EPHA7: variants seen among roughly 807,000 people sequenced by gnomAD.
EPHA7 encodes ephrin type-A receptor 7.
A neutral mutation model predicts 112.6 loss-of-function variants in EPHA7; 25 were observed. The ratio of observed to expected loss-of-function variants is 0.22; its 90% CI spans 0.16 to 0.31. The LOEUF is 0.31. EPHA7 is among the 10% of genes least tolerant of loss of function. The probability of loss-of-function intolerance (pLI) is 1.00; values close to 1 mark genes in which losing one functional copy is unlikely to be tolerated. For synonymous variants in EPHA7, 437 were observed against 406.5 expected, an observed-to-expected ratio of 1.07 and a Z score of -0.90; for missense variants, 962 against 1,212.6, an observed-to-expected ratio of 0.79 and a Z score of 3.07.
intron 15 of EPHA7, 98 bp downstream of exon 15, chr6:93,246,694 C>A: frequency 9.3e-7 from 1 of 1,076,666 alleles, no homozygotes; most frequent in East Asian, 2.4e-5. Flanking sequence ...TACGTCAACA[C>A]AAAAGTCAAT....
At chr6:93,290,315 T>C (rs1455168741) in intron 5 of EPHA7, among the ~76,000 whole-genome samples, 1 of 152,138 alleles carries the variant, frequency 6.6e-6, no homozygotes, top group Non-Finnish European at 1.5e-5. Context: ...AAATGACTTG[T>C]ACCTTCTTGG....
intron 5 of EPHA7, among the ~76,000 whole-genome samples, chr6:93,349,207 C>A (rs1775564990): frequency 6.6e-6 from 1 of 151,712 alleles, no homozygotes; most frequent in South Asian, 2.1e-4. Flanking sequence ...GTTTTAATAA[C>A]TTACAGCCAC....
intron 5 of EPHA7, among the ~76,000 whole-genome samples, chr6:93,352,284 A>C (rs941977582): frequency 6.6e-6 from 1 of 152,180 alleles, no homozygotes; most frequent in African/African-American, 2.4e-5. Flanking sequence ...GCATTTTTTG[A>C]GTGATCTGTT....
intron 5 of EPHA7, among the ~76,000 whole-genome samples, chr6:93,316,545 T>C (rs1773823377): frequency 6.6e-6 from 1 of 152,132 alleles, no homozygotes; most frequent in Non-Finnish European, 1.5e-5. Flanking sequence ...TGTGAAAACA[T>C]CTATACTTTT....
chr6:93,243,304 T>G lies in EPHA7; in HGVS notation c.*122A>C. 1 of 623,310 alleles carries G rather than the reference T, an allele frequency of 1.6e-6. No homozygotes were observed. Among genetic ancestry groups the G allele is most frequent in the South Asian group, 2.5e-5 (1 of 39,656 alleles). The allele number at this position is 623,310 out of a possible 1,614,324, so 38.6% of individuals were successfully genotyped here. A position where few individuals can be genotyped will look rare whatever the true frequency, so the allele number is the denominator to read the frequency against. On this transcript the variant is annotated 3_prime_UTR_variant, in exon 17 of 17. Transcript: ENST00000369303. ...AAGTCTATAGGTGCTTCTTAAATCT[T>G]CTCTTCACTGTTGGAAGGACCCAGG...
chr6:93,279,137 T>C (rs1245627900), intron 5 of EPHA7, among the ~76,000 whole-genome samples: 3 of 152,112 alleles, frequency 2.0e-5, no homozygotes, highest in Non-Finnish European at 2.9e-5. Context: ...CCTCCCAACC[T>C]GTCCCCATGT....
At chr6:93,281,399 T>C (rs942668237) in intron 5 of EPHA7, among the ~76,000 whole-genome samples, 4 of 152,234 alleles carry the variant, frequency 2.6e-5, no homozygotes, top group African/African-American at 9.6e-5. Flanking sequence ...ACTGGCTCCA[T>C]CTTTAATTTT....
At chr6:93,370,099 T>C (rs1323528709) in intron 3 of EPHA7, among the ~76,000 whole-genome samples, 1 of 152,082 alleles carries the variant, frequency 6.6e-6, no homozygotes, top group Non-Finnish European at 1.5e-5. Context: ...CTTAATACAG[T>C]AACAACAAAA....
At chr6:93,254,090 C>T (rs1373472958) in intron 14 of EPHA7, among the ~76,000 whole-genome samples, 1 of 151,936 alleles carries the variant, frequency 6.6e-6, no homozygotes, top group Non-Finnish European at 1.5e-5. Context: ...AATAAATATA[C>T]TTTTAAAAGG....
At chr6:93,350,395 T>C (rs1266115531) in intron 5 of EPHA7, among the ~76,000 whole-genome samples, 2 of 152,040 alleles carry the variant, frequency 1.3e-5, no homozygotes, top group East Asian at 3.9e-4. Flanking sequence ...AGAAGTGTAT[T>C]TGATTGCAAT....
intron 5 of EPHA7, among the ~76,000 whole-genome samples, chr6:93,297,117 A>G (rs1041722828): frequency 6.6e-6 from 1 of 151,982 alleles, no homozygotes. Context: ...ATGCTTTTTC[A>G]TTGGTCACCA....
rs78842577 is a variant in EPHA7 at position 93,243,135 on chromosome 6, A to G, written c.*291T>C. 1.9e-4 allele frequency: 54 copies of G among 280,278 alleles called. No homozygotes were observed. In the East Asian group the frequency reaches 2.2e-3, roughly 11 times the overall value. The allele number at this position is 280,278 out of a possible 1,614,324, so 17.4% of individuals were successfully genotyped here. On this transcript the variant is annotated 3_prime_UTR_variant, in exon 17 of 17. Coordinates refer to ENST00000369303, the MANE Select transcript of EPHA7 (RefSeq NM_004440.4). ...TCTTTATGTACATTTTAAAAAGTCTATAAGACAAAAAGGAGGTTAGAGAGC... is the reference window on the plus strand; with the variant it reads ...TCTTTATGTACATTTTAAAAAGTCTGTAAGACAAAAAGGAGGTTAGAGAGC...
intron 3 of EPHA7, among the ~76,000 whole-genome samples, chr6:93,370,626 G>C (rs1776741246): frequency 6.6e-6 from 1 of 151,828 alleles, no homozygotes; most frequent in Non-Finnish European, 1.5e-5. Flanking sequence ...CTTTTATTAT[G>C]AGCATAAATA....
Position 93,272,284 on chromosome 6 carries a change from C to G in EPHA7, c.1449+14G>C. On this transcript the variant is annotated intron_variant, in intron 6 of 16. Coordinates refer to ENST00000369303, the MANE Select transcript of EPHA7 (RefSeq NM_004440.4). ...CACAGCACATTGTACATTTCAGTTG[C>G]TCTTAGCACTTACTTTCTCGTAATA... 6.2e-7 allele frequency: 1 copy of G among 1,610,968 alleles called. No homozygotes were observed.
At chr6:93,363,178 G>C (rs1441791810) in intron 3 of EPHA7, among the ~76,000 whole-genome samples, 2 of 152,020 alleles carry the variant, frequency 1.3e-5, no homozygotes, top group East Asian at 1.9e-4. Flanking sequence ...TTAGGGCCTA[G>C]ACATTTCTAT....
At chr6:93,262,907 C>T (rs1324833309) in intron 9 of EPHA7, among the ~76,000 whole-genome samples, 1 of 150,950 alleles carries the variant, frequency 6.6e-6, no homozygotes, top group Non-Finnish European at 1.5e-5. Context: ...ATTCTTATGA[C>T]TTTAGGATGG....
intron 5 of EPHA7, among the ~76,000 whole-genome samples, chr6:93,277,511 A>G (rs531503823): frequency 5.5e-4 from 83 of 152,134 alleles, no homozygotes; most frequent in African/African-American, 2.0e-3. Flanking sequence ...TACAGGAACT[A>G]AGGGTAATTG....
intron 3 of EPHA7, among the ~76,000 whole-genome samples, chr6:93,377,684 A>T (rs2127967235): frequency 6.6e-6 from 1 of 152,266 alleles, no homozygotes; most frequent in Non-Finnish European, 1.5e-5. Flanking sequence ...CAAATTTGTC[A>T]TTCCTTTAAC....
chr6:93,336,505 T>C (rs940393270), intron 5 of EPHA7, among the ~76,000 whole-genome samples: 5 of 152,022 alleles, frequency 3.3e-5, no homozygotes, highest in Admixed American at 6.6e-5. Context: ...TGGGTTCAAG[T>C]GATTCTCCTG....
Sources: allele counts gnomAD v4.1 joint callset (sites outside exome capture counted in the v4.1 genomes callset), GRCh38; gene constraint gnomAD v4.1.1; transcripts MANE v1.5; gene names NCBI Gene and HGNC (gene_info 2026-07-23, HGNC 2026-07-21).